Variants in COPS2 observed in about 807,000 individuals in gnomAD.
The protein encoded by COPS2 is COP9 signalosome complex subunit 2.
A neutral mutation model predicts 66.1 loss-of-function variants in COPS2; 10 were observed. The observed-to-expected ratio is 0.15, with a 90% CI of 0.09 to 0.26. The LOEUF is 0.26. Among genes scored for constraint, COPS2 ranks in the 10% least tolerant of loss-of-function variants. The pLI, the probability that COPS2 is intolerant of heterozygous loss-of-function variation, is 1.00. For synonymous variants in COPS2, 179 were observed against 171.3 expected, an observed-to-expected ratio of 1.04 and a Z score of -0.35; for missense variants, 215 against 513.3, an observed-to-expected ratio of 0.42 and a Z score of 5.62.
chr15:49,140,751 C>CT lies in COPS2; in HGVS notation c.247-1099dup, dbSNP rs538884920. ...CTCTCTTTTTACTGAGTTCTATTTT[C>CT]TTTTTTTTTTTATCAAAGACATGAA... is the stretch of plus-strand genomic sequence containing the variant. On this transcript the variant is annotated intron_variant, in intron 3 of 12. Transcript: ENST00000388901. 4.8e-3 allele frequency among the ~76,000 whole-genome samples: 699 copies of CT among 146,038 alleles called. 2 individuals carry two copies. The highest frequency in any genetic ancestry group is 9.3e-3 in the East Asian group (47 of 5,032).
chr15:49,152,590 G>A (rs2084370473), intron 1 of COPS2, among the ~76,000 whole-genome samples: 1 of 152,182 alleles, frequency 6.6e-6, no homozygotes, highest in Admixed American at 6.5e-5. Flanking sequence ...GGAAGGCTGA[G>A]GAGGGCAGAT....
In COPS2 at chr15:49,124,761, C is replaced by G. The variant is rs781053957; in HGVS notation, c.*3189G>C. 1.4e-4 allele frequency: 21 copies of G among 152,024 alleles called. No homozygotes were observed. Among genetic ancestry groups the G allele is most frequent in the Non-Finnish European group, 2.5e-4 (17 of 68,012 alleles). 9.4% of individuals were successfully genotyped at this position (152,024 alleles called of 1,614,324 possible). A position where few individuals can be genotyped will look rare whatever the true frequency, so the allele number is the denominator to read the frequency against. ...ACTTGTGTATGCTCAAGCCTCACTT[C>G]AAAAATCTAAATCAAAAGAGAAATT... On this transcript the variant is annotated 3_prime_UTR_variant, in exon 13 of 13. Coordinates refer to ENST00000388901, the MANE Select transcript of COPS2 (RefSeq NM_004236.4).
rs867489887 is a variant in COPS2 at position 49,144,192 on chromosome 15, T to C, written c.246+35A>G. ...CGTGATGAGGTTTTTACCTACAAAA[T>C]TTATTAGTTTAATTCCCCTCAAAAC... On this transcript the variant is annotated intron_variant, in intron 3 of 12. Coordinates refer to ENST00000388901, the MANE Select transcript of COPS2 (RefSeq NM_004236.4). The C allele has an allele frequency of 1.1e-5, 15 of 1,359,766 alleles. 2 individuals are homozygous for C. The Middle Eastern group carries it at 2.0e-3, about 184-fold the overall frequency. The allele number at this position is 1,359,766 out of a possible 1,614,324, so 84.2% of individuals were successfully genotyped here. A position where few individuals can be genotyped will look rare whatever the true frequency, so the allele number is the denominator to read the frequency against.
At chr15:49,155,497 C>G in intron 1 of COPS2, 28 bp downstream of exon 1, 1 of 1,612,506 alleles carries the variant, frequency 6.2e-7, no homozygotes, top group Non-Finnish European at 8.5e-7. Context: ...ACATCACCAC[C>G]CTCAGAGTTC....
Position 49,124,781 on chromosome 15 carries a change from G to C in COPS2, c.*3169C>G, listed in dbSNP as rs2084152037. 6.6e-6 allele frequency: 1 copy of C among 152,036 alleles called. No homozygotes were observed. The highest frequency in any genetic ancestry group is 6.6e-5 in the Admixed American group (1 of 15,258). The allele number at this position is 152,036 out of a possible 1,614,324, so 9.4% of individuals were successfully genotyped here. On this transcript the variant is annotated 3_prime_UTR_variant, in exon 13 of 13. Coordinates refer to ENST00000388901, the MANE Select transcript of COPS2 (RefSeq NM_004236.4). ...CACTTCAAAAATCTAAATCAAAAGA[G>C]AAATTTTCAGGTTTAAAAGTGACTA...
At chr15:49,150,211 G>A (rs2084348774) in intron 1 of COPS2, among the ~76,000 whole-genome samples, 1 of 147,410 alleles carries the variant, frequency 6.8e-6, no homozygotes. Context: ...TCACGCCACT[G>A]CACTCCAGCC....
At chr15:49,128,119 T>A in intron 12 of COPS2, 25 bp from the exon 13 acceptor site, 1 of 1,605,676 alleles carries the variant, frequency 6.2e-7, no homozygotes, top group Non-Finnish European at 8.5e-7. Flanking sequence ...ATAAGATGTG[T>A]CTACAAAAGA....
intron 1 of COPS2, among the ~76,000 whole-genome samples, chr15:49,147,052 A>G (rs1372418465): frequency 6.6e-6 from 1 of 152,106 alleles, no homozygotes; most frequent in Non-Finnish European, 1.5e-5. Context: ...TCTCAGCCTA[A>G]GGGTATTCTT....
In COPS2 at chr15:49,127,762, T is replaced by C; in HGVS notation, c.*188A>G. Reference sequence around the variant, plus strand: ...GGTATTTTGGTTTTCTTCTGGAGATTAAAGCTGTTTTTCTTGGGATAAATG... The same window carrying C: ...GGTATTTTGGTTTTCTTCTGGAGATCAAAGCTGTTTTTCTTGGGATAAATG... On this transcript the variant is annotated 3_prime_UTR_variant, in exon 13 of 13. Transcript: ENST00000388901. The C allele has an allele frequency of 5.2e-6, 3 of 574,236 alleles. No individual in the cohort carries two copies. In the South Asian group the frequency reaches 9.2e-5, roughly 18 times the overall value. 35.6% of individuals were successfully genotyped at this position (574,236 alleles called of 1,614,324 possible).
At position 49,127,864 on chromosome 15, in the gene COPS2, G is replaced by A. The variant is rs1473960425; in HGVS notation, c.*86C>T. 20 of 1,360,610 alleles carry A rather than the reference G, an allele frequency of 1.5e-5. No homozygotes were observed. The highest frequency in any genetic ancestry group is 4.2e-5 in the Admixed American group (2 of 47,726). The allele number at this position is 1,360,610 out of a possible 1,614,324, so 84.3% of individuals were successfully genotyped here. ...CAATAATTTTCAGGACACATCAACC[G>A]ACAGTAGTTTTGCCATTCCCAGTTC... On this transcript the variant is annotated 3_prime_UTR_variant, in exon 13 of 13. Coordinates refer to ENST00000388901, the MANE Select transcript of COPS2 (RefSeq NM_004236.4).
chr15:49,142,236 G>C (rs1221897711), intron 3 of COPS2, among the ~76,000 whole-genome samples: 1 of 152,200 alleles, frequency 6.6e-6, no homozygotes, highest in Non-Finnish European at 1.5e-5. Context: ...TCTTTAACTA[G>C]ATTTAAGTGC....
At chr15:49,130,572 T>A (rs999759924) in intron 10 of COPS2, 147 bp downstream of exon 10, 1 of 436,836 alleles carries the variant, frequency 2.3e-6, no homozygotes, top group Non-Finnish European at 4.1e-6. Context: ...TTAAGGAATA[T>A]CCCATCCAAT....
In COPS2 at chr15:49,151,641, T is replaced by C. The variant is rs775686254; in HGVS notation, c.54+3884A>G. On this transcript the variant is annotated intron_variant, in intron 1 of 12. Coordinates refer to ENST00000388901, the MANE Select transcript of COPS2 (RefSeq NM_004236.4). ...TGTTACTGGATCAGCAAATAATCTA[T>C]AAACCTGTAAAATTAGCATTGCATT... 5.6e-4 allele frequency among the ~76,000 whole-genome samples: 85 copies of C among 152,144 alleles called. 1 individual carries two copies. The highest frequency in any genetic ancestry group is 2.0e-3 in the Admixed American group (31 of 15,286).
rs1595818479 is a variant in COPS2 at position 49,127,859 on chromosome 15, C to G, written c.*91G>C. 2.0e-5 allele frequency: 26 copies of G among 1,331,230 alleles called. No individual in the cohort carries two copies. The South Asian group carries it at 3.7e-4, about 19-fold the overall frequency. The allele number at this position is 1,331,230 out of a possible 1,614,324, so 82.5% of individuals were successfully genotyped here. A position where few individuals can be genotyped will look rare whatever the true frequency, so the allele number is the denominator to read the frequency against. On this transcript the variant is annotated 3_prime_UTR_variant, in exon 13 of 13. Transcript: ENST00000388901. Reference sequence around the variant, plus strand: ...AACTCCAATAATTTTCAGGACACATCAACCGACAGTAGTTTTGCCATTCCC... The same window carrying G: ...AACTCCAATAATTTTCAGGACACATGAACCGACAGTAGTTTTGCCATTCCC...
intron 6 of COPS2, among the ~76,000 whole-genome samples, chr15:49,136,492 T>C (rs2084252697): frequency 1.3e-5 from 2 of 152,300 alleles, no homozygotes; most frequent in African/African-American, 4.8e-5. Flanking sequence ...ATAACAGATA[T>C]AGAACATTCC....
intron 12 of COPS2, 46 bp downstream of exon 12, chr15:49,128,656 C>T (rs76867501): frequency 0.013 from 17,949 of 1,365,504 alleles, 468 homozygotes; most frequent in East Asian, 0.062. Flanking sequence ...TTATTCAAAA[C>T]TTACGGTACC....
At chr15:49,136,474 C>CTA (rs1333076023) in intron 6 of COPS2, among the ~76,000 whole-genome samples, 1 of 152,116 alleles carries the variant, frequency 6.6e-6, no homozygotes, top group Non-Finnish European at 1.5e-5. Context: ...CTGGTGCTAC[C>CTA]ATATTTGATA....
At chr15:49,132,221 T>C (rs2084215122) in intron 9 of COPS2, among the ~76,000 whole-genome samples, 1 of 152,096 alleles carries the variant, frequency 6.6e-6, no homozygotes, top group African/African-American at 2.4e-5. Flanking sequence ...AAAGATGACG[T>C]TTCCTTTAAT....
At chr15:49,154,408 T>C (rs145845328) in intron 1 of COPS2, among the ~76,000 whole-genome samples, 15 of 152,310 alleles carry the variant, frequency 9.8e-5, no homozygotes, top group Admixed American at 3.3e-4. Flanking sequence ...GAGAATTTCC[T>C]TTCTCCCTTT....
Sources: allele counts gnomAD v4.1 joint callset (sites outside exome capture counted in the v4.1 genomes callset), GRCh38; gene constraint gnomAD v4.1.1; transcripts MANE v1.5; gene names NCBI Gene and HGNC (gene_info 2026-07-23, HGNC 2026-07-21).